GPHN: variants seen among roughly 807,000 people sequenced by gnomAD.
The protein encoded by GPHN is gephyrin.
Under a neutral mutation model 95.5 loss-of-function variants are expected in GPHN, and 17 were observed. The ratio of observed to expected loss-of-function variants is 0.18; its 90% CI spans 0.12 to 0.27. The LOEUF (loss-of-function observed/expected upper bound fraction) is 0.27, where lower values mean the gene tolerates loss of function less well. Among genes scored for constraint, GPHN ranks in the 10% least tolerant of loss-of-function variants. The pLI is 1.00. For missense variants in GPHN, 660 were observed against 978.1 expected, an observed-to-expected ratio of 0.67 and a Z score of 4.34; for synonymous variants, 320 against 322.5, an observed-to-expected ratio of 0.99 and a Z score of 0.08.
At chr14:66,945,645 TAAAAAC>T (rs761191361) in intron 8 of GPHN, among the ~76,000 whole-genome samples, 1 of 152,000 alleles carries the variant, frequency 6.6e-6, no homozygotes, top group Non-Finnish European at 1.5e-5. Context: ...AATAAATAAA[TAAAAAC>T]AAAAGTGAGC....
At chr14:67,593,828 G>A in the GPHN span, 2 of 1,612,978 alleles carry the variant, frequency 1.2e-6, no homozygotes, top group Non-Finnish European at 1.7e-6. Context: ...AGCATAAGAT[G>A]AAGTCATCTG....
chr14:67,300,176 A>T, the GPHN span, among the ~76,000 whole-genome samples: 1 of 152,154 alleles, frequency 6.6e-6, no homozygotes, highest in East Asian at 1.9e-4. Context: ...CTGAGGACAG[A>T]CTGGTTTTGG....
chr14:67,243,798 T>C, the GPHN span, among the ~76,000 whole-genome samples: 1 of 152,306 alleles, frequency 6.6e-6, no homozygotes, highest in Admixed American at 6.5e-5. Flanking sequence ...GCCCAGCCCT[T>C]ATGATTTTTG....
At chr14:67,575,774 C>T in the GPHN span, 17 of 1,410,282 alleles carry the variant, frequency 1.2e-5, no homozygotes, top group African/African-American at 2.1e-4. Flanking sequence ...AGAGGAGACT[C>T]CCTCATCCCC....
chr14:67,693,108 G>GAAT, the GPHN span: 2 of 1,234,834 alleles, frequency 1.6e-6, no homozygotes, highest in Non-Finnish European at 2.3e-6. Flanking sequence ...TCAGCCAGTA[G>GAAT]GTTCCTGCAA....
the GPHN span, among the ~76,000 whole-genome samples, chr14:67,196,266 C>T: frequency 6.6e-6 from 1 of 150,856 alleles, no homozygotes; most frequent in African/African-American, 2.4e-5. Flanking sequence ...GCCCAGCCTG[C>T]AGTGCATTGG....
chr14:66,848,387 C>T (rs1156736096), intron 4 of GPHN, among the ~76,000 whole-genome samples: 1 of 152,014 alleles, frequency 6.6e-6, no homozygotes. Context: ...CCAATGCTTT[C>T]TGATCAAAAT....
At chr14:67,355,847 A>G in the GPHN span, among the ~76,000 whole-genome samples, 1 of 151,672 alleles carries the variant, frequency 6.6e-6, no homozygotes, top group African/African-American at 2.4e-5. Flanking sequence ...AAAAAATATC[A>G]AAATTACCTG....
chr14:67,213,794 G>C, the GPHN span, among the ~76,000 whole-genome samples: 6,795 of 152,246 alleles, frequency 0.045, 165 homozygotes, highest in Middle Eastern at 0.054. Flanking sequence ...GTGTAAAAGT[G>C]TTCCTATTTC....
chr14:66,875,513 T>G (rs138033603), intron 4 of GPHN, among the ~76,000 whole-genome samples: 2,928 of 152,232 alleles, frequency 0.019, 35 homozygotes, highest in Middle Eastern at 0.034. Context: ...AGGAGACTGA[T>G]CTCACGTGCA....
chr14:67,603,720 C>G, the GPHN span, among the ~76,000 whole-genome samples: 1 of 152,206 alleles, frequency 6.6e-6, no homozygotes, highest in Non-Finnish European at 1.5e-5. Flanking sequence ...TCTTGTTACC[C>G]AGGCTGGAGT....
the GPHN span, chr14:67,577,322 C>A: frequency 1.3e-6 from 2 of 1,574,212 alleles, no homozygotes; most frequent in African/African-American, 2.7e-5. Flanking sequence ...CTGGAGGCAC[C>A]CCATGCTGTG....
At chr14:66,951,023 C>T (rs2068073023) in intron 8 of GPHN, among the ~76,000 whole-genome samples, 1 of 152,072 alleles carries the variant, frequency 6.6e-6, no homozygotes, top group African/African-American at 2.4e-5. Context: ...CTCTCAGGAT[C>T]AAGCGATTCT....
chr14:66,672,990 G>A (rs955684999), intron 1 of GPHN, among the ~76,000 whole-genome samples: 2 of 151,736 alleles, frequency 1.3e-5, no homozygotes, highest in African/African-American at 2.4e-5. Flanking sequence ...TTCTTGTTTT[G>A]TCTCCCACTC....
At chr14:67,383,584 G>A in the GPHN span, 4 of 1,227,906 alleles carry the variant, frequency 3.3e-6, no homozygotes, top group African/African-American at 6.0e-5. Context: ...TAACAGATCA[G>A]AACATGAAAT....
intron 2 of GPHN, among the ~76,000 whole-genome samples, chr14:66,683,194 G>A (rs1445916213): frequency 6.7e-6 from 1 of 150,356 alleles, no homozygotes; most frequent in African/African-American, 2.4e-5. Context: ...TTTTACTCCT[G>A]CCTGCTTGGC....
the GPHN span, chr14:67,374,765 G>A: frequency 6.8e-4 from 249 of 365,422 alleles, 1 homozygote; most frequent in Non-Finnish European, 1.1e-3. Flanking sequence ...ATAAAATACG[G>A]GGTTTTTTTG....
the GPHN span, among the ~76,000 whole-genome samples, chr14:67,491,312 A>G: frequency 6.6e-6 from 1 of 152,124 alleles, no homozygotes; most frequent in African/African-American, 2.4e-5. Flanking sequence ...ATCTTATTCA[A>G]GAGTTTTTAT....
chr14:66,992,004 G>C (rs1390874583), intron 9 of GPHN, among the ~76,000 whole-genome samples: 2 of 151,898 alleles, frequency 1.3e-5, no homozygotes, highest in East Asian at 3.8e-4. Context: ...GGGCCAAAGA[G>C]AGCCTAAATA....
Sources: allele counts gnomAD v4.1 joint callset (sites outside exome capture counted in the v4.1 genomes callset), GRCh38; gene constraint gnomAD v4.1.1; transcripts MANE v1.5; gene names NCBI Gene and HGNC (gene_info 2026-07-23, HGNC 2026-07-21).